Variants in TULP4 observed in about 807,000 individuals in gnomAD.
TULP4 encodes tubby-related protein 4.
A neutral mutation model predicts 129.0 loss-of-function variants in TULP4; 16 were observed. The ratio of observed to expected loss-of-function variants is 0.12; its 90% CI spans 0.08 to 0.19. TULP4 has a LOEUF of 0.19. Among genes scored for constraint, TULP4 ranks in the 10% least tolerant of loss-of-function variants. The pLI is 1.00. For synonymous variants in TULP4, 998 were observed against 854.0 expected (o/e 1.17, Z -2.94); for missense variants, 1,842 against 2,059.1 (o/e 0.89, Z 2.04).
chr6:158,442,819 T>G (rs1388783969), intron 3 of TULP4, among the ~76,000 whole-genome samples: 2 of 151,760 alleles, frequency 1.3e-5, no homozygotes, highest in African/African-American at 4.8e-5. Context: ...TGGTTGGTTT[T>G]TTTTTTTTTT....
chr6:158,250,735 G>A (rs1250879422), intron 1 of TULP4, among the ~76,000 whole-genome samples: 1 of 152,094 alleles, frequency 6.6e-6, no homozygotes, highest in Non-Finnish European at 1.5e-5. Context: ...CTTCACCCAT[G>A]TTTAGTTGGT....
At chr6:158,298,621 C>T (rs1025936222) in intron 1 of TULP4, among the ~76,000 whole-genome samples, 1 of 152,134 alleles carries the variant, frequency 6.6e-6, no homozygotes, top group African/African-American at 2.4e-5. Context: ...GGAGTCAAAA[C>T]GGGAGTTAAC....
chr6:158,330,182 G>T (rs182990691), intron 1 of TULP4, among the ~76,000 whole-genome samples: 1 of 152,012 alleles, frequency 6.6e-6, no homozygotes, highest in Non-Finnish European at 1.5e-5. Flanking sequence ...ATCTCAATTT[G>T]GATTAGCCAC....
chr6:158,310,681 G>A (rs550188346), upstream of TULP4, among the ~76,000 whole-genome samples: 5 of 151,880 alleles, frequency 3.3e-5, no homozygotes, highest in Admixed American at 1.3e-4. Flanking sequence ...TAACACTGGG[G>A]GTTACGTTTC....
intron 1 of TULP4, among the ~76,000 whole-genome samples, chr6:158,239,034 G>A (rs1383307463): frequency 4.4e-5 from 6 of 136,764 alleles, no homozygotes; most frequent in African/African-American, 1.6e-4. Context: ...CCTCCCGGAC[G>A]AGGCGGCTGG....
At chr6:158,253,376 T>C (rs532070575) in intron 1 of TULP4, among the ~76,000 whole-genome samples, 3 of 152,130 alleles carry the variant, frequency 2.0e-5, no homozygotes, top group South Asian at 4.1e-4. Flanking sequence ...TTTGAAAATC[T>C]CTGTGGCCTG....
intron 1 of TULP4, among the ~76,000 whole-genome samples, chr6:158,405,115 T>C (rs1777948490): frequency 1.3e-5 from 2 of 152,228 alleles, no homozygotes; most frequent in Admixed American, 6.5e-5. Flanking sequence ...TAAAATAATG[T>C]ATGTAAAAAT....
chr6:158,353,715 A>G (rs1265148565), intron 1 of TULP4, among the ~76,000 whole-genome samples: 2 of 152,216 alleles, frequency 1.3e-5, no homozygotes, highest in Non-Finnish European at 2.9e-5. Context: ...TTGTTTGTTA[A>G]TATGTTCAAA....
chr6:158,353,036 G>C (rs77492659), intron 1 of TULP4, among the ~76,000 whole-genome samples: 1,828 of 152,234 alleles, frequency 0.012, 41 homozygotes, highest in African/African-American at 0.04. Context: ...CAGAGAGCAG[G>C]CTCCAGCTGA....
At chr6:158,498,852 T>C (rs751720269) in intron 12 of TULP4, 40 bp downstream of exon 12, 2 of 1,608,426 alleles carry the variant, frequency 1.2e-6, no homozygotes, top group Non-Finnish European at 1.7e-6. Context: ...ACGGTCCCTC[T>C]GTCAGTAGAT....
At chr6:158,429,959 A>G in intron 3 of TULP4, 62 bp downstream of exon 3, 1 of 1,520,540 alleles carries the variant, frequency 6.6e-7, no homozygotes, top group Non-Finnish European at 8.9e-7. Flanking sequence ...GGAGGGAAGA[A>G]AGGGGCAGGA....
At chr6:158,259,249 T>C (rs1056625745) in intron 1 of TULP4, among the ~76,000 whole-genome samples, 1 of 152,204 alleles carries the variant, frequency 6.6e-6, no homozygotes, top group Non-Finnish European at 1.5e-5. Flanking sequence ...ACTAATTTCA[T>C]ATTATAATTT....
At chr6:158,432,922 T>G (rs919716162) in intron 3 of TULP4, among the ~76,000 whole-genome samples, 14 of 152,224 alleles carry the variant, frequency 9.2e-5, no homozygotes, top group African/African-American at 3.4e-4. Flanking sequence ...CCCTTATATA[T>G]TTCAACATGT....
At chr6:158,453,485 C>CCA in intron 5 of TULP4, among the ~76,000 whole-genome samples, 1 of 17,978 alleles carries the variant, frequency 5.6e-5, no homozygotes, top group East Asian at 2.5e-3. Context: ...CTCTGTCTCA[C>CCA]AAAAAAAAAA....
At chr6:158,357,023 C>T (rs1390768804) in intron 1 of TULP4, among the ~76,000 whole-genome samples, 1 of 152,158 alleles carries the variant, frequency 6.6e-6, no homozygotes, top group Admixed American at 6.5e-5. Flanking sequence ...TAGTGGCTGA[C>T]ATTTTCTTAA....
intron 1 of TULP4, among the ~76,000 whole-genome samples, chr6:158,269,389 A>G (rs1363968546): frequency 1.3e-5 from 2 of 151,910 alleles, no homozygotes; most frequent in African/African-American, 4.8e-5. Context: ...GTAAAAAAAA[A>G]AAAAAAAAAA....
chr6:158,385,781 C>T lies in TULP4; in HGVS notation c.253-27284C>T, dbSNP rs142785358. ...CCTCTCTTCTCCAAAATAGTCTTGCCATCAGATATGATGACATGCAGCTCA... is the reference window on the plus strand; with the variant it reads ...CCTCTCTTCTCCAAAATAGTCTTGCTATCAGATATGATGACATGCAGCTCA... On this transcript the variant is annotated intron_variant, in intron 1 of 13. Transcript: ENST00000367097. Among the ~76,000 whole-genome samples the T allele has an allele frequency of 5.3e-3, 758 of 143,772 alleles. 5 individuals are homozygous for T. The highest frequency in any genetic ancestry group is 0.018 in the African/African-American group (704 of 38,644). 94.3% of individuals were successfully genotyped at this position (143,772 alleles called of 152,430 possible).
chr6:158,436,102 A>G (rs913076160), intron 3 of TULP4, among the ~76,000 whole-genome samples: 1 of 152,042 alleles, frequency 6.6e-6, no homozygotes, highest in Non-Finnish European at 1.5e-5. Flanking sequence ...TTTTTAGTAA[A>G]GACGGGGTTG....
chr6:158,463,857 A>G (rs1779498692), intron 6 of TULP4, among the ~76,000 whole-genome samples: 1 of 152,056 alleles, frequency 6.6e-6, no homozygotes, highest in South Asian at 2.1e-4. Context: ...CATAAAATTT[A>G]TCGTCTTAAC....
Sources: gnomAD v4.1 joint callset for allele counts (sites outside exome capture counted in the v4.1 genomes callset) on GRCh38, gnomAD v4.1.1 for gene constraint, MANE v1.5 for transcripts, NCBI Gene and HGNC (gene_info 2026-07-23, HGNC 2026-07-21) for gene names.